The following FHIT variants were observed in gnomAD, a reference collection of about 807,000 sequenced individuals.
FHIT encodes the protein bis(5'-adenosyl)-triphosphatase.
FHIT carries 19 observed loss-of-function variants against 17.9 expected under a neutral mutation model. The observed-to-expected ratio is 1.06, with a 90% CI of 0.74 to 1.56. The LOEUF is 1.56. Among genes scored for constraint, FHIT ranks in the 40% most tolerant of loss-of-function variants. The pLI, the probability that FHIT is intolerant of heterozygous loss-of-function variation, is 0.00. For synonymous variants in FHIT, 81 were observed against 69.7 expected, an observed-to-expected ratio of 1.16 and a Z score of -0.81; for missense variants, 248 against 189.2, an observed-to-expected ratio of 1.31 and a Z score of -1.82.
intron 2 of FHIT, among the ~76,000 whole-genome samples, chr3:61,048,368 C>T (rs1456142588): frequency 2.6e-5 from 4 of 152,162 alleles, no homozygotes; most frequent in Non-Finnish European, 4.4e-5. Flanking sequence ...CCAACAGACA[C>T]ATGAAAAAAT....
At chr3:59,773,440 G>C (rs1380117459) in intron 8 of FHIT, among the ~76,000 whole-genome samples, 1 of 152,164 alleles carries the variant, frequency 6.6e-6, no homozygotes, top group Non-Finnish European at 1.5e-5. Flanking sequence ...AAAAATCTAG[G>C]AGTCCTCATG....
intron 3 of FHIT, among the ~76,000 whole-genome samples, chr3:60,988,830 T>C (rs937739533): frequency 6.6e-6 from 1 of 150,548 alleles, no homozygotes. Context: ...GAACTGAGTA[T>C]ATGGAAGACA....
intron 5 of FHIT, among the ~76,000 whole-genome samples, chr3:60,306,761 A>G (rs773154162): frequency 1.3e-5 from 2 of 152,202 alleles, no homozygotes; most frequent in Non-Finnish European, 2.9e-5. Context: ...ATGATTTTAC[A>G]AATTTAAGGG....
At chr3:59,858,385 C>T (rs1006019915) in intron 8 of FHIT, among the ~76,000 whole-genome samples, 4 of 151,856 alleles carry the variant, frequency 2.6e-5, no homozygotes, top group Non-Finnish European at 4.4e-5. Context: ...CGCCACTACG[C>T]CTGGCTAATT....
At chr3:60,450,824 T>C (rs1576676081) in intron 5 of FHIT, among the ~76,000 whole-genome samples, 1 of 152,198 alleles carries the variant, frequency 6.6e-6, no homozygotes, top group Non-Finnish European at 1.5e-5. Flanking sequence ...AACGAGCCAG[T>C]GAAGGTATAT....
chr3:60,930,007 C>G (rs138728808), intron 3 of FHIT, among the ~76,000 whole-genome samples: 1 of 152,242 alleles, frequency 6.6e-6, no homozygotes, highest in Non-Finnish European at 1.5e-5. Flanking sequence ...GTACTGGTAC[C>G]AAAACAGAGA....
chr3:60,476,994 GTA>G (rs1559946358), intron 5 of FHIT, among the ~76,000 whole-genome samples: 1 of 151,790 alleles, frequency 6.6e-6, no homozygotes, highest in African/African-American at 2.4e-5. Flanking sequence ...TGTATGGTTT[GTA>G]TATGTTTAAG....
chr3:59,785,312 CT>C (rs35748189), intron 8 of FHIT, among the ~76,000 whole-genome samples: 79,943 of 133,244 alleles, frequency 0.6, 23,504 homozygotes, highest in Middle Eastern at 0.66. Flanking sequence ...GCAATCTTGC[CT>C]TTTTTTTTTT....
intron 7 of FHIT, among the ~76,000 whole-genome samples, chr3:59,970,333 A>G (rs964946903): frequency 6.6e-6 from 1 of 152,130 alleles, no homozygotes; most frequent in Non-Finnish European, 1.5e-5. Context: ...TTCCTAATGA[A>G]GCATAATGAA....
chr3:60,269,452 G>T (rs751159456), intron 5 of FHIT, among the ~76,000 whole-genome samples: 1 of 152,186 alleles, frequency 6.6e-6, no homozygotes, highest in South Asian at 2.1e-4. Context: ...ATTTTCCAGT[G>T]AGTTATGACT....
intron 3 of FHIT, among the ~76,000 whole-genome samples, chr3:60,940,946 T>C (rs57176634): frequency 0.37 from 56,705 of 152,022 alleles, 11,256 homozygotes; most frequent in Middle Eastern, 0.47. Flanking sequence ...AGAAATATCA[T>C]AGGAGCCACA....
intron 5 of FHIT, among the ~76,000 whole-genome samples, chr3:60,528,906 G>C (rs2035670388): frequency 6.6e-6 from 1 of 152,080 alleles, no homozygotes; most frequent in South Asian, 2.1e-4. Context: ...TTTGACATTG[G>C]TCAGTACCAC....
At chr3:60,411,363 A>G (rs1241774151) in intron 5 of FHIT, among the ~76,000 whole-genome samples, 1 of 151,928 alleles carries the variant, frequency 6.6e-6, no homozygotes, top group Non-Finnish European at 1.5e-5. Flanking sequence ...ATTTTTTATA[A>G]CCTCCTCTTA....
chr3:60,116,624 T>A (rs1035406067), intron 5 of FHIT, among the ~76,000 whole-genome samples: 1 of 152,200 alleles, frequency 6.6e-6, no homozygotes, highest in Non-Finnish European at 1.5e-5. Context: ...GAACTCTTCC[T>A]GGCATTTCTA....
chr3:60,253,244 T>C (rs1357845873), intron 5 of FHIT, among the ~76,000 whole-genome samples: 1 of 152,220 alleles, frequency 6.6e-6, no homozygotes, highest in African/African-American at 2.4e-5. Flanking sequence ...ATCATTAGTA[T>C]ATCACCAATT....
intron 7 of FHIT, among the ~76,000 whole-genome samples, chr3:60,000,217 C>T (rs796163367): frequency 1.3e-4 from 20 of 152,282 alleles, no homozygotes; most frequent in African/African-American, 4.8e-4. Context: ...GGGAATCCTA[C>T]ACTCTAAATA....
chr3:60,647,640 C>T (rs559711715), intron 4 of FHIT, among the ~76,000 whole-genome samples: 12 of 152,258 alleles, frequency 7.9e-5, no homozygotes, highest in East Asian at 3.9e-4. Context: ...AGAAAAACAC[C>T]TTGAAATAGA....
chr3:60,525,257 C>T (rs1047894927), intron 5 of FHIT, among the ~76,000 whole-genome samples: 2 of 152,124 alleles, frequency 1.3e-5, no homozygotes, highest in Admixed American at 6.5e-5. Flanking sequence ...ATGAGAAGAA[C>T]CTGATATACA....
intron 3 of FHIT, among the ~76,000 whole-genome samples, chr3:60,989,426 T>C (rs2029969997): frequency 1.3e-5 from 2 of 152,108 alleles, no homozygotes; most frequent in Admixed American, 1.3e-4. Flanking sequence ...GAAAGTCTTT[T>C]AAGATATCAT....
Sources: gnomAD v4.1 joint callset for allele counts (sites outside exome capture counted in the v4.1 genomes callset) on GRCh38, gnomAD v4.1.1 for gene constraint, MANE v1.5 for transcripts, NCBI Gene and HGNC (gene_info 2026-07-23, HGNC 2026-07-21) for gene names.